STPG2: variants seen among roughly 807,000 people sequenced by gnomAD.
STPG2 encodes sperm-tail PG-rich repeat-containing protein 2.
In STPG2, 56 loss-of-function variants were observed where a neutral mutation model predicts 54.2. The ratio of observed to expected loss-of-function variants is 1.03; its 90% CI spans 0.83 to 1.29. The LOEUF (loss-of-function observed/expected upper bound fraction) is 1.29. Among genes scored for constraint, STPG2 ranks in the 50% most tolerant of loss-of-function variants. The probability of loss-of-function intolerance (pLI) is 0.00; values close to 1 mark genes in which losing one functional copy is unlikely to be tolerated. For missense variants in STPG2, 596 were observed against 544.9 expected, an observed-to-expected ratio of 1.09 and a Z score of -0.93; for synonymous variants, 200 against 181.8, an observed-to-expected ratio of 1.10 and a Z score of -0.81.
intron 3 of STPG2, among the ~76,000 whole-genome samples, chr4:98,113,917 G>A (rs1409829325): frequency 6.6e-6 from 1 of 151,932 alleles, no homozygotes; most frequent in East Asian, 1.9e-4. Context: ...GGTGTAGGGG[G>A]GCAGAGACAA....
intron 4 of STPG2, among the ~76,000 whole-genome samples, chr4:97,506,293 G>T (rs1357116227): frequency 6.6e-6 from 1 of 151,918 alleles, no homozygotes; most frequent in Non-Finnish European, 1.5e-5. Flanking sequence ...TTAATAGGCT[G>T]ATCAAGAAAT....
At chr4:97,566,404 C>G (rs1203401753) in intron 10 of STPG2, among the ~76,000 whole-genome samples, 14 of 152,196 alleles carry the variant, frequency 9.2e-5, no homozygotes, top group Non-Finnish European at 1.9e-4. Context: ...GAGGCAATGC[C>G]TCGCCCTGCT....
intron 9 of STPG2, among the ~76,000 whole-genome samples, chr4:97,748,733 C>T (rs527732117): frequency 1.3e-4 from 20 of 151,582 alleles, no homozygotes; most frequent in Admixed American, 1.3e-3. Flanking sequence ...TATCTATGGA[C>T]ACTAAGATTT....
At chr4:97,654,286 C>G (rs1038512216) in intron 10 of STPG2, among the ~76,000 whole-genome samples, 2 of 152,046 alleles carry the variant, frequency 1.3e-5, no homozygotes, top group African/African-American at 4.8e-5. Flanking sequence ...AATCACCAAG[C>G]AATACACATT....
chr4:97,695,091 A>T (rs1471865495), intron 10 of STPG2, among the ~76,000 whole-genome samples: 1 of 151,494 alleles, frequency 6.6e-6, no homozygotes, highest in African/African-American at 2.4e-5. Flanking sequence ...AATCCTCCAA[A>T]AAAAAAAAAT....
At chr4:97,959,618 T>C (rs149632063) in intron 7 of STPG2, among the ~76,000 whole-genome samples, 17 of 152,038 alleles carry the variant, frequency 1.1e-4, no homozygotes, top group Non-Finnish European at 2.1e-4. Context: ...ATGGATAAAT[T>C]CCTGGAAAGA....
chr4:97,653,241 C>G (rs1029866128), intron 10 of STPG2, among the ~76,000 whole-genome samples: 1 of 151,918 alleles, frequency 6.6e-6, no homozygotes, highest in Non-Finnish European at 1.5e-5. Flanking sequence ...AACCACGTAG[C>G]AGCACAGAAT....
intron 10 of STPG2, among the ~76,000 whole-genome samples, chr4:97,560,693 A>G (rs1430682556): frequency 6.6e-6 from 1 of 152,200 alleles, no homozygotes; most frequent in Non-Finnish European, 1.5e-5. Context: ...GCATGAATCC[A>G]GAGATTCAAC....
At chr4:97,536,522 GA>G (rs2148857128) in intron 4 of STPG2, among the ~76,000 whole-genome samples, 1 of 152,236 alleles carries the variant, frequency 6.6e-6, no homozygotes, top group Admixed American at 6.5e-5. Flanking sequence ...ATGCAGAACT[GA>G]GTCAATTAAA....
intron 9 of STPG2, among the ~76,000 whole-genome samples, chr4:97,767,480 C>A (rs1030581069): frequency 3.3e-5 from 5 of 151,974 alleles, no homozygotes; most frequent in African/African-American, 1.2e-4. Flanking sequence ...AAACTGGCTT[C>A]TATTAGAGTT....
intron 4 of STPG2, among the ~76,000 whole-genome samples, chr4:97,442,469 G>T (rs971088902): frequency 1.3e-5 from 2 of 152,034 alleles, no homozygotes; most frequent in Non-Finnish European, 2.9e-5. Context: ...GACTCCAAAT[G>T]ATATTATATT....
At chr4:97,663,456 T>C (rs906718828) in intron 10 of STPG2, among the ~76,000 whole-genome samples, 1 of 152,206 alleles carries the variant, frequency 6.6e-6, no homozygotes, top group African/African-American at 2.4e-5. Flanking sequence ...TAGCCAACAA[T>C]TGTGTTACAA....
intron 8 of STPG2, among the ~76,000 whole-genome samples, chr4:97,862,431 C>T (rs144807342): frequency 0.016 from 2,462 of 152,108 alleles, 68 homozygotes; most frequent in African/African-American, 0.056. Flanking sequence ...TACAAGAGCA[C>T]CCAGATTCAT....
At chr4:97,672,620 T>C (rs1433295606) in intron 10 of STPG2, among the ~76,000 whole-genome samples, 1 of 152,178 alleles carries the variant, frequency 6.6e-6, no homozygotes, top group Non-Finnish European at 1.5e-5. Context: ...CAAATAGCTA[T>C]GACATAAGAT....
At chr4:97,794,193 A>T (rs549146354) in intron 9 of STPG2, among the ~76,000 whole-genome samples, 3 of 152,120 alleles carry the variant, frequency 2.0e-5, no homozygotes, top group Non-Finnish European at 4.4e-5. Flanking sequence ...TTATGTGTAA[A>T]AAAGACTTTT....
At chr4:97,469,000 T>A (rs1303621529) in intron 4 of STPG2, among the ~76,000 whole-genome samples, 2 of 152,076 alleles carry the variant, frequency 1.3e-5, no homozygotes, top group Non-Finnish European at 2.9e-5. Flanking sequence ...CAACCAAAGT[T>A]TACTGCCTTC....
chr4:97,828,010 T>G (rs373679652), intron 9 of STPG2, among the ~76,000 whole-genome samples: 1 of 151,996 alleles, frequency 6.6e-6, no homozygotes, highest in East Asian at 1.9e-4. Flanking sequence ...AAAGAAAAAT[T>G]TTATCTGATA....
chr4:97,567,925 A>C (rs1292664643), intron 10 of STPG2, among the ~76,000 whole-genome samples: 1 of 152,224 alleles, frequency 6.6e-6, no homozygotes, highest in Non-Finnish European at 1.5e-5. Context: ...TTATTTACCT[A>C]CAAAGAGTAG....
intron 10 of STPG2, among the ~76,000 whole-genome samples, chr4:97,695,088 C>CA (rs34399400): frequency 0.46 from 63,140 of 138,234 alleles, 15,261 homozygotes; most frequent in South Asian, 0.61. Context: ...AAAAATCCTC[C>CA]AAAAAAAAAA....
Sources: gnomAD v4.1 joint callset for allele counts (sites outside exome capture counted in the v4.1 genomes callset) on GRCh38, gnomAD v4.1.1 for gene constraint, MANE v1.5 for transcripts, NCBI Gene and HGNC (gene_info 2026-07-23, HGNC 2026-07-21) for gene names.